The following PCDHA5 variants were observed in gnomAD, a reference collection of about 807,000 sequenced individuals.
PCDHA5 encodes the protein protocadherin alpha-5.
PCDHA5 carries 43 observed loss-of-function variants against 61.6 expected under a neutral mutation model. The observed-to-expected ratio is 0.70, with a 90% CI of 0.55 to 0.90. PCDHA5 has a LOEUF of 0.90. Among genes scored for constraint, PCDHA5 ranks in the 40% least tolerant of loss-of-function variants. PCDHA5 has a pLI of 0.00. For missense variants in PCDHA5, 1,298 were observed against 1,222.7 expected, an observed-to-expected ratio of 1.06 and a Z score of -0.92; for synonymous variants, 627 against 543.9, an observed-to-expected ratio of 1.15 and a Z score of -2.13.
At chr5:140,845,294 A>T (rs2150378014) in intron 1 of PCDHA5, among the ~76,000 whole-genome samples, 1 of 149,472 alleles carries the variant, frequency 6.7e-6, no homozygotes, top group African/African-American at 2.4e-5. Flanking sequence ...TATCCTGTCT[A>T]TGTCTACCTG....
intron 3 of PCDHA5, among the ~76,000 whole-genome samples, chr5:140,999,049 A>C (rs962383659): frequency 1.3e-5 from 2 of 152,214 alleles, no homozygotes; most frequent in African/African-American, 4.8e-5. Flanking sequence ...TGTGCTTTCC[A>C]CCATGCCTAA....
chr5:140,891,920 C>G (rs1396526194), intron 1 of PCDHA5, among the ~76,000 whole-genome samples: 10 of 152,206 alleles, frequency 6.6e-5, no homozygotes, highest in Non-Finnish European at 8.8e-5. Flanking sequence ...GATGCTGGTG[C>G]CTTGATCTTG....
At chr5:140,962,622 G>A (rs1389569825) in intron 1 of PCDHA5, among the ~76,000 whole-genome samples, 2 of 152,130 alleles carry the variant, frequency 1.3e-5, no homozygotes, top group African/African-American at 2.4e-5. Context: ...AGGGAGATGT[G>A]AAAAAATTTA....
chr5:140,965,307 C>T (rs2095888914), intron 1 of PCDHA5, among the ~76,000 whole-genome samples: 1 of 152,150 alleles, frequency 6.6e-6, no homozygotes, highest in Admixed American at 6.5e-5. Context: ...ATCCTTCTAC[C>T]TTCTCTTTTA....
rs143580970 is a variant in PCDHA5, at chr5:140,976,476, G to A, written c.2353-2473G>A. ...TGGGGAAGAAGAATTGCTTGAATCC[G>A]GGAGGCAGAGGTTGCAGGGAGCCAA... On this transcript the variant is annotated intron_variant, in intron 1 of 3. Transcript: ENST00000529859. 8.2e-3 allele frequency among the ~76,000 whole-genome samples: 1,253 copies of A among 152,132 alleles called. 22 individuals carry two copies. The highest frequency in any genetic ancestry group is 0.028 in the African/African-American group (1,179 of 41,504).
At chr5:140,940,965 A>G (rs2092710706) in intron 1 of PCDHA5, among the ~76,000 whole-genome samples, 1 of 152,226 alleles carries the variant, frequency 6.6e-6, no homozygotes, top group Admixed American at 6.5e-5. Context: ...AATATGCAGG[A>G]TATCTGGTAT....
chr5:140,882,852 T>C, intron 1 of PCDHA5: 2 of 1,614,216 alleles, frequency 1.2e-6, no homozygotes, highest in Non-Finnish European at 1.7e-6. Flanking sequence ...TTATCACTTG[T>C]ACTGAGGAAA....
chr5:140,863,997 T>A (rs1186516549), intron 1 of PCDHA5: 1 of 152,666 alleles, frequency 6.6e-6, no homozygotes, highest in African/African-American at 2.4e-5. Context: ...TGAAACTCTG[T>A]CTTAAAAAAA....
intron 3 of PCDHA5, among the ~76,000 whole-genome samples, chr5:141,008,053 C>T (rs1554261648): frequency 6.6e-6 from 1 of 152,056 alleles, no homozygotes; most frequent in African/African-American, 2.4e-5. Context: ...AACAGGGGTC[C>T]AGTCCATCTA....
rs1554149566 is a variant in PCDHA5 at position 140,857,139 on chromosome 5, T to C, written c.2352+33012T>C. ...CTCCCAGTGAAAGAAGATGCTCAAG[T>C]GGGCACCGTCATTGCCCTAATCAGC... On this transcript the variant is annotated intron_variant, in intron 1 of 3. Transcript: ENST00000529859. 4 of 1,598,152 alleles carry C rather than the reference T, an allele frequency of 2.5e-6. 1 individual carries two copies. The highest frequency in any genetic ancestry group is 1.7e-5 in the Admixed American group (1 of 59,246).
chr5:140,828,497 G>T (rs1465778888), intron 1 of PCDHA5: 1 of 1,614,134 alleles, frequency 6.2e-7, no homozygotes, highest in African/African-American at 1.3e-5. Flanking sequence ...GTTCCCGGTA[G>T]AGGAACAAAG....
intron 1 of PCDHA5, among the ~76,000 whole-genome samples, chr5:140,953,914 T>A (rs1554221128): frequency 6.6e-6 from 1 of 152,134 alleles, no homozygotes; most frequent in South Asian, 2.1e-4. Context: ...ATCCATTAGG[T>A]ATTCTTCCTG....
At position 140,946,631 on chromosome 5, in the gene PCDHA5, T is replaced by TATATATATATACAC. The variant is rs57893927; in HGVS notation, c.2353-32317_2353-32316insTATATATATACACA. Among the ~76,000 whole-genome samples, 93 of 131,838 alleles carry TATATATATATACAC rather than the reference T, an allele frequency of 7.1e-4. 3 individuals carry two copies. Among genetic ancestry groups the TATATATATATACAC allele is most frequent in the East Asian group, 2.3e-3 (11 of 4,866 alleles). 86.5% of individuals were successfully genotyped at this position (131,838 alleles called of 152,430 possible). A position where few individuals can be genotyped will look rare whatever the true frequency, so the allele number is the denominator to read the frequency against. ...TGTGAAATATATATATATATATATA[T>TATATATATATACAC]ACAATGGAATACTCATCAGCCATTA... On this transcript the variant is annotated intron_variant, in intron 1 of 3. Transcript: ENST00000529859.
rs562081561 is a variant in PCDHA5 at position 140,927,834 on chromosome 5, C to T, written c.2353-51115C>T. 1.2e-5 allele frequency: 19 copies of T among 1,614,138 alleles called. No homozygotes were observed. In the East Asian group the frequency reaches 2.2e-4, roughly 19 times the overall value. ...TGGAGGCATACATTGAGGCGAGGGA[C>T]GAAGGTGTCTTTGGTTTAGCTAGCA... On this transcript the variant is annotated intron_variant, in intron 1 of 3. Coordinates refer to ENST00000529859, the MANE Select transcript of PCDHA5 (RefSeq NM_018908.3).
chr5:140,891,427 C>T (rs1465861457), intron 1 of PCDHA5, among the ~76,000 whole-genome samples: 2 of 149,500 alleles, frequency 1.3e-5, no homozygotes, highest in African/African-American at 4.9e-5. Flanking sequence ...CCCCCAAGTC[C>T]CCAACGTCCA....
chr5:140,882,002 G>A (rs2153382146), intron 1 of PCDHA5: 1 of 489,088 alleles, frequency 2.0e-6, no homozygotes, highest in South Asian at 5.2e-5. Context: ...AAATGCAAGG[G>A]GCAAAAAAAT....
intron 1 of PCDHA5, chr5:140,884,619 A>G (rs782146160): frequency 3.1e-6 from 5 of 1,614,074 alleles, no homozygotes; most frequent in Non-Finnish European, 4.2e-6. Context: ...GGTTCTGCAG[A>G]GGGAACAGGC....
At chr5:140,899,460 T>G (rs2153464035) in intron 1 of PCDHA5, among the ~76,000 whole-genome samples, 1 of 152,380 alleles carries the variant, frequency 6.6e-6, no homozygotes, top group East Asian at 1.9e-4. Context: ...ATGTGGTTTT[T>G]GTCTTTGGTT....
intron 1 of PCDHA5, among the ~76,000 whole-genome samples, chr5:140,941,439 G>A (rs187782763): frequency 1.3e-5 from 2 of 149,420 alleles, no homozygotes; most frequent in East Asian, 2.0e-4. Context: ...CCTCAGCCTC[G>A]GGAGTAGCTG....
Sources: gnomAD v4.1 joint callset for allele counts (sites outside exome capture counted in the v4.1 genomes callset) on GRCh38, gnomAD v4.1.1 for gene constraint, MANE v1.5 for transcripts, NCBI Gene and HGNC (gene_info 2026-07-23, HGNC 2026-07-21) for gene names.